Variants in CRTAC1 observed in about 807,000 individuals in gnomAD.
CRTAC1 encodes cartilage acidic protein 1.
In CRTAC1, 37 loss-of-function variants were observed where a neutral mutation model predicts 67.8. The ratio of observed to expected loss-of-function variants is 0.55; its 90% CI spans 0.42 to 0.72. CRTAC1 has a LOEUF of 0.72. Among genes scored for constraint, CRTAC1 ranks in the 30% least tolerant of loss-of-function variants. The probability of loss-of-function intolerance (pLI) is 0.00; values close to 1 mark genes in which losing one functional copy is unlikely to be tolerated. For synonymous variants in CRTAC1, 348 were observed against 371.0 expected (o/e 0.94, Z 0.71); for missense variants, 780 against 931.6 (o/e 0.84, Z 2.12).
intron 1 of CRTAC1, among the ~76,000 whole-genome samples, chr10:98,027,465 G>A (rs1178125722): frequency 6.6e-6 from 1 of 152,144 alleles, no homozygotes; most frequent in Non-Finnish European, 1.5e-5. Context: ...CAGCAGTGGT[G>A]TGACTGCAAG....
In CRTAC1 at chr10:97,975,027, C is replaced by T. The variant is rs1223449817; in HGVS notation, c.224+36111G>A. On this transcript the variant is annotated intron_variant, in intron 2 of 14. Coordinates refer to ENST00000370597, the MANE Select transcript of CRTAC1 (RefSeq NM_018058.7). This position sits in a 1 kb window ranked among gnomAD's most constrained non-coding sequence, Gnocchi z 4.8. ...GAACGTGGAGCCCGCGGGAGGAGGC[C>T]GGAGCGCGGGCAGGGACTGGCGCGG... Among the ~76,000 whole-genome samples, 2 of 151,760 alleles carry T rather than the reference C, an allele frequency of 1.3e-5. No individual in the cohort carries two copies. Among genetic ancestry groups the T allele is most frequent in the East Asian group, 1.9e-4 (1 of 5,136 alleles).
chr10:98,002,928 G>A (rs992051731), intron 2 of CRTAC1, among the ~76,000 whole-genome samples: 138 of 150,670 alleles, frequency 9.2e-4, no homozygotes, highest in African/African-American at 3.2e-3. Context: ...ACAGGCGCCC[G>A]CCACCACACC....
intron 1 of CRTAC1, among the ~76,000 whole-genome samples, chr10:98,024,919 TTAATAA>T (rs1338109395): frequency 6.6e-6 from 1 of 152,004 alleles, no homozygotes; most frequent in Non-Finnish European, 1.5e-5. Flanking sequence ...CTCCCAATTC[TTAATAA>T]TAGAAATATT....
intron 11 of CRTAC1, 41 bp from the exon 12 acceptor site, chr10:97,884,392 C>G: frequency 6.5e-7 from 1 of 1,528,734 alleles, no homozygotes. Context: ...CAGAGGAGAG[C>G]AGGAGGCTCT....
At chr10:97,927,348 G>A (rs183986811) in intron 3 of CRTAC1, among the ~76,000 whole-genome samples, 113 of 152,282 alleles carry the variant, frequency 7.4e-4, no homozygotes, top group African/African-American at 2.6e-3. Flanking sequence ...GATTCCCCCT[G>A]GACATTGATC....
chr10:98,028,051 T>A (rs1320989510), intron 1 of CRTAC1, among the ~76,000 whole-genome samples: 1 of 152,256 alleles, frequency 6.6e-6, no homozygotes, highest in East Asian at 1.9e-4. Context: ...CTGGCTCTAA[T>A]GTTCTGGAAC....
At chr10:97,999,756 A>G (rs1842651987) in intron 2 of CRTAC1, among the ~76,000 whole-genome samples, 1 of 152,172 alleles carries the variant, frequency 6.6e-6, no homozygotes, top group African/African-American at 2.4e-5. Flanking sequence ...TCCATGGACC[A>G]ATTGGCGTGC....
intron 2 of CRTAC1, among the ~76,000 whole-genome samples, chr10:97,941,243 G>A (rs1564904716): frequency 1.3e-5 from 2 of 151,992 alleles, no homozygotes; most frequent in Non-Finnish European, 2.9e-5. Flanking sequence ...CTCTCTTCTA[G>A]GCCAAGGAGG....
At chr10:97,907,251 G>A (rs1351005986) in intron 6 of CRTAC1, among the ~76,000 whole-genome samples, 1 of 152,240 alleles carries the variant, frequency 6.6e-6, no homozygotes, top group African/African-American at 2.4e-5. Context: ...GCAGCAGGAG[G>A]AGGAAGGACC....
At chr10:97,951,608 G>C (rs1429303436) in intron 2 of CRTAC1, among the ~76,000 whole-genome samples, 1 of 152,146 alleles carries the variant, frequency 6.6e-6, no homozygotes, top group Non-Finnish European at 1.5e-5. Context: ...TTGTACCTAG[G>C]CATTTATTTC....
intron 8 of CRTAC1, 98 bp downstream of exon 8, chr10:97,901,404 CT>C (rs1473728447): frequency 6.7e-7 from 1 of 1,498,052 alleles, no homozygotes; most frequent in Non-Finnish European, 9.1e-7. Flanking sequence ...CCCCCTGGCC[CT>C]GGGAACCCTC....
chr10:97,968,389 C>A (rs766415509), intron 2 of CRTAC1, among the ~76,000 whole-genome samples: 1 of 152,168 alleles, frequency 6.6e-6, no homozygotes, highest in Non-Finnish European at 1.5e-5. Context: ...ATTTCAGGCA[C>A]GTGCCACCAT....
chr10:97,936,385 G>A lies in CRTAC1; in HGVS notation c.225-19C>T, dbSNP rs371385484. ...ATTGTACCTGGAGGAGGAATGGGGAGGGGATGCTGGGGAGGAGCCGCTGGG... is the reference window on the plus strand; with the variant it reads ...ATTGTACCTGGAGGAGGAATGGGGAAGGGATGCTGGGGAGGAGCCGCTGGG... On this transcript the variant is annotated intron_variant, in intron 2 of 14. Transcript: ENST00000370597. 5.7e-6 allele frequency: 9 copies of A among 1,588,056 alleles called. No individual in the cohort carries two copies. In the African/African-American group the frequency reaches 9.4e-5, roughly 17 times the overall value.
rs576664674 is a variant in CRTAC1 at position 98,000,445 on chromosome 10, A to T, written c.224+10693T>A. On this transcript the variant is annotated intron_variant, in intron 2 of 14. Transcript: ENST00000370597. ...GCAGAGAGCAGGCACCCATGCCAGC[A>T]CCTGGAGCTGCCCGCTCTGCAGTAG... Among the ~76,000 whole-genome samples, 4 of 152,344 alleles carry T rather than the reference A, an allele frequency of 2.6e-5. No homozygotes were observed. In the South Asian group the frequency reaches 8.3e-4, roughly 32 times the overall value.
chr10:97,896,053 C>T (rs2136557843), intron 9 of CRTAC1, 68 bp from the exon 10 acceptor site: 1 of 1,389,520 alleles, frequency 7.2e-7, no homozygotes, highest in Admixed American at 1.7e-5. Context: ...ACGCTCCCAA[C>T]CAAGTGCAGT....
At chr10:97,942,507 T>C (rs2051191266) in intron 2 of CRTAC1, among the ~76,000 whole-genome samples, 1 of 152,120 alleles carries the variant, frequency 6.6e-6, no homozygotes, top group East Asian at 1.9e-4. Flanking sequence ...AATGCTATAG[T>C]TATGGAGGAT....
chr10:98,026,209 C>A (rs1021573334), intron 1 of CRTAC1, among the ~76,000 whole-genome samples: 3 of 152,204 alleles, frequency 2.0e-5, no homozygotes, highest in Non-Finnish European at 2.9e-5. Flanking sequence ...CATCATTTAG[C>A]AGAGAAGGAA....
intron 1 of CRTAC1, among the ~76,000 whole-genome samples, chr10:98,025,572 A>G (rs1843213936): frequency 6.6e-6 from 1 of 152,182 alleles, no homozygotes; most frequent in Non-Finnish European, 1.5e-5. Context: ...CTTATTTCTT[A>G]AATGCCCTAA....
chr10:97,941,666 CGTTT>C (rs1441587766), intron 2 of CRTAC1, among the ~76,000 whole-genome samples: 11 of 152,144 alleles, frequency 7.2e-5, no homozygotes, highest in African/African-American at 2.4e-4. Flanking sequence ...CCCATCCTGT[CGTTT>C]CTACCTCCAA....
Sources: gnomAD v4.1 joint callset for allele counts (sites outside exome capture counted in the v4.1 genomes callset) on GRCh38, gnomAD v4.1.1 for gene constraint, Gnocchi (gnomAD v3.1) non-coding constraint, MANE v1.5 for transcripts, NCBI Gene and HGNC (gene_info 2026-07-23, HGNC 2026-07-21) for gene names.